Variants in PCDH15 observed in about 807,000 individuals in gnomAD.
The protein encoded by PCDH15 is protocadherin related 15, also known as protocadherin-15.
In PCDH15, 129 loss-of-function variants were observed where a neutral mutation model predicts 178.5. The observed-to-expected ratio is 0.72, with a 90% confidence interval of 0.63 to 0.84. PCDH15 has a LOEUF of 0.84. Among genes scored for constraint, PCDH15 ranks in the 40% least tolerant of loss-of-function variants. The pLI is 0.00. For synonymous variants in PCDH15, 800 were observed against 732.0 expected (o/e 1.09, Z -1.50); for missense variants, 2,230 against 2,099.9 (o/e 1.06, Z -1.21).
At chr10:53,903,221 A>G (rs1230885094) in intron 26 of PCDH15, 22 bp downstream of exon 26, 2 of 1,611,358 alleles carry the variant, frequency 1.2e-6, no homozygotes, top group Non-Finnish European at 8.5e-7. Context: ...TTAGTTCTGT[A>G]TATTAACATA....
At chr10:55,304,872 ATAAT>A (rs2132281968) in intron 1 of PCDH15, among the ~76,000 whole-genome samples, 1 of 152,348 alleles carries the variant, frequency 6.6e-6, no homozygotes, top group African/African-American at 2.4e-5. Flanking sequence ...ATCATACTTG[ATAAT>A]TAAAGAAAAC....
At chr10:53,808,328 GTGTATATATA>G (rs1292918367) in intron 37 of PCDH15, 12 of 323,082 alleles carry the variant, frequency 3.7e-5, no homozygotes, top group Admixed American at 8.8e-5. Flanking sequence ...TAGTGTGTGT[GTGTATATATA>G]TATATATATA....
intron 3 of PCDH15, among the ~76,000 whole-genome samples, chr10:54,442,459 T>TACACAC (rs1232880850): frequency 4.3e-5 from 4 of 93,472 alleles, no homozygotes; most frequent in African/African-American, 1.9e-4. Context: ...TATATATATA[T>TACACAC]ACAGTCTTTT....
intron 2 of PCDH15, among the ~76,000 whole-genome samples, chr10:54,957,122 C>T (rs574086350): frequency 6.6e-6 from 1 of 151,746 alleles, no homozygotes; most frequent in Non-Finnish European, 1.5e-5. Flanking sequence ...TTTCAGTTTT[C>T]TAACTATCAT....
chr10:55,142,795 G>T (rs1838390983), intron 2 of PCDH15, among the ~76,000 whole-genome samples: 1 of 151,470 alleles, frequency 6.6e-6, no homozygotes, highest in Non-Finnish European at 1.5e-5. Flanking sequence ...CTTCTTTTGG[G>T]TAGCTGTCAT....
At chr10:55,569,095 T>C (rs1441982569) in intron 2 of PCDH15, among the ~76,000 whole-genome samples, 1 of 152,084 alleles carries the variant, frequency 6.6e-6, no homozygotes, top group African/African-American at 2.4e-5. Flanking sequence ...TAGTTATGCA[T>C]CACCACATCT....
intron 8 of PCDH15, among the ~76,000 whole-genome samples, chr10:54,264,334 A>G (rs1447516291): frequency 6.6e-6 from 1 of 152,184 alleles, no homozygotes; most frequent in Non-Finnish European, 1.5e-5. Context: ...GAATAAGCAC[A>G]AGAACTCTGG....
chr10:54,435,125 T>C (rs2075297981), intron 3 of PCDH15, among the ~76,000 whole-genome samples: 1 of 152,202 alleles, frequency 6.6e-6, no homozygotes, highest in Non-Finnish European at 1.5e-5. Flanking sequence ...TACCATAGAC[T>C]ACAAATCCCT....
At chr10:54,677,427 A>C (rs1160136069) in intron 1 of PCDH15, among the ~76,000 whole-genome samples, 1 of 152,112 alleles carries the variant, frequency 6.6e-6, no homozygotes, top group Non-Finnish European at 1.5e-5. Flanking sequence ...ATGGGGGTGT[A>C]TGAAGTTTTT....
At chr10:55,068,847 G>T (rs911707323) in intron 2 of PCDH15, among the ~76,000 whole-genome samples, 6 of 151,508 alleles carry the variant, frequency 4.0e-5, no homozygotes, top group African/African-American at 1.5e-4. Context: ...TTATGAGTAA[G>T]TTCTCTTTTT....
At chr10:53,813,868 A>G (rs1042861258) in intron 35 of PCDH15, among the ~76,000 whole-genome samples, 24 of 152,306 alleles carry the variant, frequency 1.6e-4, no homozygotes, top group South Asian at 4.1e-4. Flanking sequence ...CTAGGTGTTG[A>G]CATAGAAGAG....
At chr10:55,156,409 C>T (rs1317108939) in intron 2 of PCDH15, among the ~76,000 whole-genome samples, 1 of 152,084 alleles carries the variant, frequency 6.6e-6, no homozygotes, top group Non-Finnish European at 1.5e-5. Context: ...CCTAAGGCGG[C>T]CTTCTTCTAG....
intron 2 of PCDH15, among the ~76,000 whole-genome samples, chr10:55,133,089 C>T (rs1354750976): frequency 3.3e-5 from 5 of 152,154 alleles, no homozygotes; most frequent in Non-Finnish European, 7.4e-5. Context: ...TTGATTGATG[C>T]TTGATCATTC....
chr10:55,434,418 A>G (rs1838982345), intron 2 of PCDH15, among the ~76,000 whole-genome samples: 1 of 152,046 alleles, frequency 6.6e-6, no homozygotes, highest in Non-Finnish European at 1.5e-5. Flanking sequence ...CCATATTTAT[A>G]TTGAAATGAG....
At chr10:54,662,945 A>C (rs1332009002) in intron 2 of PCDH15, among the ~76,000 whole-genome samples, 1 of 152,028 alleles carries the variant, frequency 6.6e-6, no homozygotes, top group Admixed American at 6.6e-5. Context: ...TTTAGGCTGC[A>C]GATTCACAAT....
At chr10:55,294,365 C>A (rs1307053447) in intron 1 of PCDH15, among the ~76,000 whole-genome samples, 6 of 152,098 alleles carry the variant, frequency 3.9e-5, no homozygotes. Context: ...TTATGTATAG[C>A]TAGGTGTTGA....
At chr10:55,207,038 A>G (rs375464104) in intron 1 of PCDH15, among the ~76,000 whole-genome samples, 5 of 151,966 alleles carry the variant, frequency 3.3e-5, no homozygotes, top group African/African-American at 1.2e-4. Context: ...AATACGCATA[A>G]TATTTTCTCT....
chr10:55,186,071 T>C (rs1295004561), intron 1 of PCDH15, among the ~76,000 whole-genome samples: 1 of 151,688 alleles, frequency 6.6e-6, no homozygotes, highest in Non-Finnish European at 1.5e-5. Flanking sequence ...GTCAACAATT[T>C]CATTTTTATT....
At chr10:55,608,317 G>T (rs1255535001) in intron 2 of PCDH15, among the ~76,000 whole-genome samples, 1 of 149,610 alleles carries the variant, frequency 6.7e-6, no homozygotes, top group Non-Finnish European at 1.5e-5. Flanking sequence ...GAAGGGGAGG[G>T]GGAAGAGGGG....
Sources: allele counts gnomAD v4.1 joint callset (sites outside exome capture counted in the v4.1 genomes callset), GRCh38; gene constraint gnomAD v4.1.1; transcripts MANE v1.5; gene names NCBI Gene and HGNC (gene_info 2026-07-23, HGNC 2026-07-21).